TRAK1: variants seen among roughly 807,000 people sequenced by gnomAD.
TRAK1 encodes the protein trafficking kinesin-binding protein 1.
In TRAK1, 33 loss-of-function variants were observed where a neutral mutation model predicts 92.1. The ratio of observed to expected loss-of-function variants is 0.36; its 90% CI spans 0.27 to 0.48. The LOEUF is 0.48. Among genes scored for constraint, TRAK1 ranks in the 20% least tolerant of loss-of-function variants. The pLI is 0.99. For missense variants in TRAK1, 1,123 were observed against 1,257.9 expected, an observed-to-expected ratio of 0.89 and a Z score of 1.62; for synonymous variants, 521 against 517.3, an observed-to-expected ratio of 1.01 and a Z score of -0.10.
chr3:42,055,066 T>A (rs747290270), intron 1 of TRAK1, among the ~76,000 whole-genome samples: 5 of 151,994 alleles, frequency 3.3e-5, no homozygotes, highest in Non-Finnish European at 7.4e-5. Context: ...TTTACAGGCA[T>A]GTGCCATCAT....
chr3:42,160,528 G>A (rs114159123), intron 2 of TRAK1: 6 of 1,553,810 alleles, frequency 3.9e-6, no homozygotes, highest in African/African-American at 2.8e-5. Flanking sequence ...ATCTAAATAG[G>A]CTTGAATGTT....
chr3:42,199,998 A>C (rs1707291719), intron 11 of TRAK1, among the ~76,000 whole-genome samples: 1 of 152,206 alleles, frequency 6.6e-6, no homozygotes, highest in Admixed American at 6.5e-5. Context: ...ATCTGAATAC[A>C]CCTAGGGATA....
At position 42,194,930 on chromosome 3, in the gene TRAK1, C is replaced by G; in HGVS notation, c.1102C>G (p.Leu368Val). 6.2e-7 allele frequency: 1 copy of G among 1,613,786 alleles called. No individual in the cohort carries two copies. The highest frequency in any genetic ancestry group is 1.1e-5 in the South Asian group (1 of 90,972). Reference sequence around the variant, plus strand: ...GTCTCGGCGCTACCACTCACTGGGCCTGTTTCCCATGGTGAGCTGTGCTTT... The same window carrying G: ...GTCTCGGCGCTACCACTCACTGGGCGTGTTTCCCATGGTGAGCTGTGCTTT... ...TTSRRYHSLG[L>V]FPMDSLAAEI... is the part of the protein sequence containing the mutation. Residue 368 changes from leucine to valine, a missense_variant, in exon 10 of 16, where the codon CTG (leucine) becomes GTG (valine). By Grantham distance (32) the Leu-to-Val change is conservative (BLOSUM62 1). Transcript: ENST00000327628.
intron 2 of TRAK1, among the ~76,000 whole-genome samples, chr3:42,158,316 G>A (rs1450166201): frequency 2.0e-5 from 3 of 151,922 alleles, no homozygotes; most frequent in Non-Finnish European, 2.9e-5. Context: ...TCATCTTATC[G>A]TCAATCTGAT....
At chr3:42,110,094 G>GTGTATATATATATATATATATA (rs1417746436) in intron 1 of TRAK1, among the ~76,000 whole-genome samples, 37 of 83,222 alleles carry the variant, frequency 4.4e-4, no homozygotes, top group Admixed American at 6.0e-4. Flanking sequence ...AGAACTTAAA[G>GTGTATATATATATATATATATA]TATATATATA....
rs755503702 is a variant in TRAK1, at chr3:42,223,491, C to A, written c.2616C>A (p.Pro872=). The A allele has an allele frequency of 5.6e-6, 9 of 1,613,600 alleles. No homozygotes were observed. The highest frequency in any genetic ancestry group is 1.1e-5 in the South Asian group (1 of 91,088). Residue 872 remains proline, a synonymous_variant, in exon 16 of 16, where the codon CCC becomes CCA. Coordinates refer to ENST00000327628, the MANE Select transcript of TRAK1 (RefSeq NM_001042646.3). The surrounding 1 kb of genome is among the most constrained non-coding windows in gnomAD (Gnocchi z 6.1). ...CCACCTTGACTGAGGAGCAGGGACCCCTCCTCTGTGGGCCCCCGGGGCCAG... is the reference window on the plus strand; with the variant it reads ...CCACCTTGACTGAGGAGCAGGGACCACTCCTCTGTGGGCCCCCGGGGCCAG... The part of the protein sequence containing the change: ...HVPTLTEEQG[P]LLCGPPGPAP...
At chr3:42,158,973 T>TAATAATA (rs1378430519) in intron 2 of TRAK1, among the ~76,000 whole-genome samples, 3 of 144,536 alleles carry the variant, frequency 2.1e-5, no homozygotes, top group African/African-American at 7.8e-5. Context: ...ATAATAATAA[T>TAATAATA]AATAATAATA....
intron 1 of TRAK1, among the ~76,000 whole-genome samples, chr3:42,114,195 A>G (rs1329629032): frequency 1.3e-5 from 2 of 152,208 alleles, no homozygotes; most frequent in African/African-American, 2.4e-5. Flanking sequence ...ATACTTCAGT[A>G]TATCTACACA....
intron 2 of TRAK1, chr3:42,145,841 G>A (rs879144887): frequency 8.2e-6 from 2 of 244,534 alleles, no homozygotes; most frequent in Non-Finnish European, 1.6e-5. Flanking sequence ...GAACACACTC[G>A]AGGTACTGAA....
intron 1 of TRAK1, among the ~76,000 whole-genome samples, chr3:42,123,703 G>A (rs529098028): frequency 5.7e-4 from 69 of 120,236 alleles, no homozygotes; most frequent in African/African-American, 2.0e-3. Context: ...TTTGTCACAA[G>A]TATTTTTTTT....
At chr3:42,161,491 C>T (rs1053221899) in intron 2 of TRAK1, among the ~76,000 whole-genome samples, 1 of 152,156 alleles carries the variant, frequency 6.6e-6, no homozygotes, top group Non-Finnish European at 1.5e-5. Context: ...ATCCTCCCAC[C>T]TCAGCCTCCC....
chr3:42,149,637 AGG>A, intron 2 of TRAK1: 1 of 1,535,914 alleles, frequency 6.5e-7, no homozygotes, highest in Non-Finnish European at 8.7e-7. Flanking sequence ...CGGGATGTAT[AGG>A]GGTATTGTCT....
At chr3:42,088,221 G>A (rs1283621659), upstream of TRAK1, among the ~76,000 whole-genome samples, 1 of 152,182 alleles carries the variant, frequency 6.6e-6, no homozygotes, top group African/African-American at 2.4e-5. Flanking sequence ...GCTTCTCTTG[G>A]TTCTGTGTTA....
rs1403969442 is a variant in TRAK1 at position 42,209,764 on chromosome 3, A to C, written c.1745-3A>C. 3.7e-6 allele frequency: 6 copies of C among 1,613,412 alleles called. No individual in the cohort carries two copies. In the South Asian group the frequency reaches 6.6e-5, roughly 18 times the overall value. On this transcript the variant is annotated splice_region_variant and splice_polypyrimidine_tract_variant and intron_variant, in intron 13 of 15. Coordinates refer to ENST00000327628, the MANE Select transcript of TRAK1 (RefSeq NM_001042646.3). ...CCTTCTTCCCTTCCCTTTCTCCTGC[A>C]AGGTTCCGCCACACTTCACCACTGG...
At chr3:42,096,632 G>T (rs1705963226) in intron 1 of TRAK1, among the ~76,000 whole-genome samples, 1 of 152,218 alleles carries the variant, frequency 6.6e-6, no homozygotes, top group South Asian at 2.1e-4. Context: ...GACATAGCTT[G>T]TATTTCAAAT....
At chr3:42,124,160 C>A (rs1335845195) in intron 1 of TRAK1, among the ~76,000 whole-genome samples, 2 of 151,620 alleles carry the variant, frequency 1.3e-5, no homozygotes, top group African/African-American at 4.8e-5. Flanking sequence ...AAGAATCAAC[C>A]TCAGTAATAT....
chr3:42,130,572 A>G (rs1041718051), intron 2 of TRAK1, among the ~76,000 whole-genome samples: 1 of 152,134 alleles, frequency 6.6e-6, no homozygotes, highest in Admixed American at 6.5e-5. Context: ...GACTAAGGAG[A>G]TAAAAACATC....
chr3:42,060,207 C>G (rs1388758034), intron 1 of TRAK1, among the ~76,000 whole-genome samples: 1 of 151,570 alleles, frequency 6.6e-6, no homozygotes, highest in East Asian at 1.9e-4. Flanking sequence ...GGGAAATAAA[C>G]AAATGAGTAT....
chr3:42,085,285 A>G (rs1467331635), upstream of TRAK1, among the ~76,000 whole-genome samples: 1 of 152,096 alleles, frequency 6.6e-6, no homozygotes, highest in South Asian at 2.1e-4. Flanking sequence ...CTCCTGCCTC[A>G]GCCTCCTGAG....
Sources: allele counts gnomAD v4.1 joint callset (sites outside exome capture counted in the v4.1 genomes callset), GRCh38; gene constraint gnomAD v4.1.1; non-coding constraint Gnocchi (gnomAD v3.1); transcripts MANE v1.5; gene names NCBI Gene and HGNC (gene_info 2026-07-23, HGNC 2026-07-21).